The following MGST1 variants were observed in gnomAD, a reference collection of about 807,000 sequenced individuals.
MGST1 encodes glutathione S-transferase 12.
In MGST1, 5 loss-of-function variants were observed where a neutral mutation model predicts 8.9. The observed-to-expected ratio is 0.56, with a 90% CI of 0.29 to 1.19. The LOEUF (loss-of-function observed/expected upper bound fraction) is 1.19, where lower values mean the gene tolerates loss of function less well. MGST1 is among the 50% of genes most tolerant of loss of function. The probability of loss-of-function intolerance (pLI) is 0.08; values close to 1 mark genes in which losing one functional copy is unlikely to be tolerated. For missense variants in MGST1, 182 were observed against 187.4 expected (o/e 0.97, Z 0.17); for synonymous variants, 54 against 67.8 (o/e 0.80, Z 1.00).
intron 1 of MGST1, among the ~76,000 whole-genome samples, chr12:16,387,577 A>T (rs1940514874): frequency 6.7e-6 from 1 of 149,464 alleles, no homozygotes; most frequent in Non-Finnish European, 1.5e-5. Flanking sequence ...CCCAGGCTGG[A>T]GTGCAGTGGG....
intron 4 of MGST1, among the ~76,000 whole-genome samples, chr12:16,455,340 T>G (rs996165857): frequency 1.3e-5 from 2 of 151,914 alleles, no homozygotes; most frequent in African/African-American, 4.8e-5. Flanking sequence ...AAATGAGGTT[T>G]AGAAGCCACA....
chr12:16,551,667 AAAAG>A (rs1412681936), intron 4 of MGST1, among the ~76,000 whole-genome samples: 2 of 151,934 alleles, frequency 1.3e-5, no homozygotes, highest in East Asian at 3.8e-4. Flanking sequence ...CCATTAAAAT[AAAAG>A]AAAGAATGAT....
At chr12:16,519,300 G>A (rs1041682405) in intron 4 of MGST1, among the ~76,000 whole-genome samples, 1 of 152,208 alleles carries the variant, frequency 6.6e-6, no homozygotes, top group Non-Finnish European at 1.5e-5. Context: ...CACAGCCTAT[G>A]TTGGTATTGT....
At chr12:16,572,339 CTTTTTTTTTT>C (rs59773866) in intron 4 of MGST1, among the ~76,000 whole-genome samples, 1 of 89,530 alleles carries the variant, frequency 1.1e-5, no homozygotes, top group Admixed American at 1.5e-4. Flanking sequence ...GGTCCAAACT[CTTTTTTTTTT>C]TTTTTTTTTT....
intron 4 of MGST1, among the ~76,000 whole-genome samples, chr12:16,543,884 T>C (rs1941806435): frequency 6.6e-6 from 1 of 152,084 alleles, no homozygotes; most frequent in Non-Finnish European, 1.5e-5. Context: ...AATATAGTCT[T>C]GTCAAATATC....
downstream of MGST1, chr12:16,377,208 C>T (rs1332861919): frequency 2.0e-5 from 3 of 151,716 alleles, no homozygotes; most frequent in Admixed American, 6.6e-5. Context: ...AGGTTTGTTA[C>T]ATATGTATAC....
downstream of MGST1, among the ~76,000 whole-genome samples, chr12:16,377,991 T>C (rs1940407536): frequency 1.3e-5 from 2 of 150,756 alleles, no homozygotes; most frequent in African/African-American, 4.9e-5. Flanking sequence ...TTTGATGGGG[T>C]TGTTTGTTTT....
At chr12:16,412,034 T>C (rs1209706220) in intron 1 of MGST1, among the ~76,000 whole-genome samples, 1 of 152,136 alleles carries the variant, frequency 6.6e-6, no homozygotes, top group Non-Finnish European at 1.5e-5. Flanking sequence ...AGTAAACTAT[T>C]AAAAAAATTA....
chr12:16,463,706 A>G (rs1465329356), intron 4 of MGST1, among the ~76,000 whole-genome samples: 1 of 151,964 alleles, frequency 6.6e-6, no homozygotes, highest in Non-Finnish European at 1.5e-5. Flanking sequence ...TTTGATCTAT[A>G]TGAATATTGA....
chr12:16,499,259 C>T (rs1283741911), intron 4 of MGST1, among the ~76,000 whole-genome samples: 1 of 152,168 alleles, frequency 6.6e-6, no homozygotes. Context: ...CTTCGAATAG[C>T]TATTTGCAAT....
chr12:16,380,195 G>T (rs1940435958), downstream of MGST1, among the ~76,000 whole-genome samples: 1 of 152,084 alleles, frequency 6.6e-6, no homozygotes, highest in Admixed American at 6.5e-5. Flanking sequence ...TTTTGAATGT[G>T]TTTGCTCTTG....
At chr12:16,465,540 C>T (rs889621546) in intron 4 of MGST1, among the ~76,000 whole-genome samples, 2 of 152,050 alleles carry the variant, frequency 1.3e-5, no homozygotes, top group Non-Finnish European at 2.9e-5. Context: ...TCATAGGAGC[C>T]GAACCCTATT....
intron 4 of MGST1, among the ~76,000 whole-genome samples, chr12:16,480,870 C>T (rs1465891547): frequency 1.3e-5 from 2 of 152,126 alleles, no homozygotes; most frequent in Admixed American, 6.5e-5. Context: ...CAGTTTGAGA[C>T]CATTCTGGGC....
intron 4 of MGST1, among the ~76,000 whole-genome samples, chr12:16,540,370 T>C (rs1169788281): frequency 1.3e-5 from 2 of 152,220 alleles, no homozygotes; most frequent in Non-Finnish European, 2.9e-5. Flanking sequence ...CCTCCTGGGC[T>C]TAAGCGATCC....
intron 3 of MGST1, among the ~76,000 whole-genome samples, chr12:16,374,184 G>A (rs1403057940): frequency 1.3e-5 from 2 of 152,004 alleles, no homozygotes; most frequent in Non-Finnish European, 2.9e-5. Context: ...CATTAACAGG[G>A]AGCAGAATAT....
In MGST1 at chr12:16,503,427, A is replaced by G. The variant is rs1349595465; in HGVS notation, n.483-86101A>G. Among the ~76,000 whole-genome samples the G allele has an allele frequency of 6.6e-6, 1 of 152,140 alleles. No individual in the cohort carries two copies. The highest frequency in any genetic ancestry group is 2.4e-5 in the African/African-American group (1 of 41,416). ...GCAGAAGGTGGCAGAGGTGGTAATC[A>G]GTAAAAATCTAATCAAAGCACAAAG... On this transcript the variant is annotated intron_variant and non_coding_transcript_variant, in intron 4 of 4. Coordinates refer to the MGST1 transcript ENST00000538857. This position sits in a 1 kb window ranked among gnomAD's most constrained non-coding sequence, Gnocchi z 4.8.
Position 16,413,692 on chromosome 12 carries a change from T to C in MGST1, n.779-23696T>C, listed in dbSNP as rs1940761400. Among the ~76,000 whole-genome samples the C allele has an allele frequency of 6.6e-6, 1 of 152,206 alleles. No homozygotes were observed. Among genetic ancestry groups the C allele is most frequent in the Admixed American group, 6.5e-5 (1 of 15,284 alleles). ...TCTCAAGGAAGTGTCGGTTATCCCTTCTTTTTGGGATAAACCACTATAGTT... is the reference window on the plus strand; with the variant it reads ...TCTCAAGGAAGTGTCGGTTATCCCTCCTTTTTGGGATAAACCACTATAGTT... On this transcript the variant is annotated intron_variant and non_coding_transcript_variant, in intron 1 of 1. Coordinates refer to the MGST1 transcript ENST00000359720. The surrounding 1 kb of genome is among the most constrained non-coding windows in gnomAD (Gnocchi z 4.0).
chr12:16,579,660 C>T (rs1264305289), intron 4 of MGST1, among the ~76,000 whole-genome samples: 3 of 152,188 alleles, frequency 2.0e-5, no homozygotes, highest in Non-Finnish European at 4.4e-5. Flanking sequence ...GCTGAGGCTG[C>T]CTCTTCTCTC....
chr12:16,372,869 A>C (rs1940317567), intron 3 of MGST1, among the ~76,000 whole-genome samples: 1 of 148,080 alleles, frequency 6.8e-6, no homozygotes, highest in African/African-American at 2.5e-5. Context: ...ATTATGTATT[A>C]GATTATATAT....
Sources: gnomAD v4.1 joint callset for allele counts (sites outside exome capture counted in the v4.1 genomes callset) on GRCh38, gnomAD v4.1.1 for gene constraint, Gnocchi (gnomAD v3.1) non-coding constraint, MANE v1.5 for transcripts, NCBI Gene and HGNC (gene_info 2026-07-23, HGNC 2026-07-21) for gene names.